SLC39A11: variants seen among roughly 807,000 people sequenced by gnomAD.
The protein encoded by SLC39A11 is solute carrier family 39 member 11, also known as zinc transporter ZIP11.
A neutral mutation model predicts 36.1 loss-of-function variants in SLC39A11; 33 were observed. That is an observed-to-expected ratio of 0.91 (90% CI 0.69 to 1.22). The LOEUF (loss-of-function observed/expected upper bound fraction) is 1.22, where lower values mean the gene tolerates loss of function less well. Among genes scored for constraint, SLC39A11 ranks in the 50% most tolerant of loss-of-function variants. The pLI, the probability that SLC39A11 is intolerant of heterozygous loss-of-function variation, is 0.00. For synonymous variants in SLC39A11, 166 were observed against 170.3 expected (o/e 0.97, Z 0.20); for missense variants, 432 against 430.3 (o/e 1.00, Z -0.03).
intron 3 of SLC39A11, among the ~76,000 whole-genome samples, chr17:73,052,452 A>G (rs2059537191): frequency 1.3e-5 from 2 of 152,192 alleles, no homozygotes; most frequent in African/African-American, 4.8e-5. Flanking sequence ...ATGATAAAAT[A>G]AAGAGCGAAA....
intron 3 of SLC39A11, among the ~76,000 whole-genome samples, chr17:73,047,320 G>A (rs947741940): frequency 3.6e-4 from 55 of 151,826 alleles, no homozygotes; most frequent in Non-Finnish European, 5.9e-4. Flanking sequence ...CACCGCGCCC[G>A]GCAAGAAGAA....
intron 4 of SLC39A11, among the ~76,000 whole-genome samples, chr17:72,983,269 C>A (rs1044128407): frequency 6.6e-6 from 1 of 152,128 alleles, no homozygotes; most frequent in African/African-American, 2.4e-5. Context: ...CCTGTCTCAG[C>A]CTCCTGAGGA....
chr17:72,758,967 G>T (rs939715126), intron 6 of SLC39A11, among the ~76,000 whole-genome samples: 7 of 152,162 alleles, frequency 4.6e-5, no homozygotes, highest in Admixed American at 2.6e-4. Context: ...AGCCGGGTGT[G>T]GTGGATGCCT....
chr17:73,084,518 A>G (rs1379231024), intron 3 of SLC39A11, among the ~76,000 whole-genome samples: 1 of 150,952 alleles, frequency 6.6e-6, no homozygotes, highest in African/African-American at 2.4e-5. Flanking sequence ...ATATTTAGTT[A>G]GAGCCAACTA....
At chr17:72,979,935 TC>T (rs773172781) in intron 4 of SLC39A11, among the ~76,000 whole-genome samples, 3 of 152,048 alleles carry the variant, frequency 2.0e-5, no homozygotes, top group East Asian at 3.9e-4. Flanking sequence ...TCCCATGACC[TC>T]CCCAAAATGG....
Position 73,035,613 on chromosome 17 carries a change from G to T in SLC39A11, c.148-3899C>A, listed in dbSNP as rs142822591. ...TTGAGTGGGACCAATGTAACCACAGGGTCCTTACGAAGGAGTGAGAAGGGT... is the reference window on the plus strand; with the variant it reads ...TTGAGTGGGACCAATGTAACCACAGTGTCCTTACGAAGGAGTGAGAAGGGT... On this transcript the variant is annotated intron_variant, in intron 3 of 9. Coordinates refer to ENST00000255559, the MANE Select transcript of SLC39A11 (RefSeq NM_139177.4). Among the ~76,000 whole-genome samples, 774 of 152,110 alleles carry T rather than the reference G, an allele frequency of 5.1e-3. 7 individuals are homozygous for T. Among genetic ancestry groups the T allele is most frequent in the African/African-American group, 0.018 (748 of 41,490 alleles).
chr17:72,673,721 A>G (rs192767976), intron 7 of SLC39A11, among the ~76,000 whole-genome samples: 75 of 152,160 alleles, frequency 4.9e-4, no homozygotes, highest in African/African-American at 1.6e-3. Flanking sequence ...TTATTTATTG[A>G]TTTGGGGCAA....
At chr17:72,767,098 C>CA (rs1232143747) in intron 6 of SLC39A11, among the ~76,000 whole-genome samples, 5 of 152,202 alleles carry the variant, frequency 3.3e-5, no homozygotes, top group African/African-American at 4.8e-5. Flanking sequence ...AGCTCCTGAC[C>CA]AAAATCGGCC....
At chr17:72,789,217 C>T (rs1364962257) in intron 6 of SLC39A11, among the ~76,000 whole-genome samples, 1 of 152,090 alleles carries the variant, frequency 6.6e-6, no homozygotes. Flanking sequence ...GTGTTTTTAG[C>T]AGAGGCGGGG....
chr17:72,808,053 A>G (rs2145344809), intron 6 of SLC39A11, among the ~76,000 whole-genome samples: 1 of 152,306 alleles, frequency 6.6e-6, no homozygotes, highest in Non-Finnish European at 1.5e-5. Context: ...TACAGGAAAA[A>G]AAAAAAATAC....
chr17:73,084,308 A>T (rs1240406656), intron 3 of SLC39A11, among the ~76,000 whole-genome samples: 1 of 151,976 alleles, frequency 6.6e-6, no homozygotes, highest in Non-Finnish European at 1.5e-5. Context: ...ACGTTGGCAC[A>T]TGCCTGTAGT....
chr17:72,905,878 T>G (rs952612972), intron 5 of SLC39A11, among the ~76,000 whole-genome samples: 1 of 151,862 alleles, frequency 6.6e-6, no homozygotes, highest in Non-Finnish European at 1.5e-5. Flanking sequence ...CTCAGCCTCC[T>G]GAGTAGCTGG....
At chr17:72,900,161 G>A (rs1598339497) in intron 5 of SLC39A11, among the ~76,000 whole-genome samples, 2 of 53,958 alleles carry the variant, frequency 3.7e-5, no homozygotes, top group African/African-American at 1.1e-4. Flanking sequence ...AGAAAAGAAA[G>A]AAAGAAAGAA....
chr17:73,015,942 C>CT (rs2058149802), intron 4 of SLC39A11, among the ~76,000 whole-genome samples: 1 of 152,114 alleles, frequency 6.6e-6, no homozygotes, highest in African/African-American at 2.4e-5. Flanking sequence ...TCATCTTAGA[C>CT]TATGACATCA....
chr17:72,666,664 C>T (rs1229626730), intron 7 of SLC39A11, among the ~76,000 whole-genome samples: 3 of 152,236 alleles, frequency 2.0e-5, no homozygotes, highest in Non-Finnish European at 4.4e-5. Flanking sequence ...CCAACACCAC[C>T]TGCTCCTCCT....
At chr17:72,864,560 T>C (rs1035179844) in intron 5 of SLC39A11, among the ~76,000 whole-genome samples, 2 of 152,106 alleles carry the variant, frequency 1.3e-5, no homozygotes, top group African/African-American at 4.8e-5. Context: ...CTGAACACCA[T>C]AGATACACAT....
intron 5 of SLC39A11, among the ~76,000 whole-genome samples, chr17:72,853,189 A>ATTT (rs774708211): frequency 8.2e-6 from 1 of 122,224 alleles, no homozygotes; most frequent in African/African-American, 3.0e-5. Flanking sequence ...TAACTTTTGT[A>ATTT]TTTTTTTTTT....
At chr17:73,067,995 G>C in intron 3 of SLC39A11, 1 of 1,595,038 alleles carries the variant, frequency 6.3e-7, no homozygotes, top group South Asian at 1.1e-5. Flanking sequence ...ATAAACAACT[G>C]TTCTGAGGCC....
At chr17:72,791,192 T>C (rs2076689647) in intron 6 of SLC39A11, among the ~76,000 whole-genome samples, 1 of 152,224 alleles carries the variant, frequency 6.6e-6, no homozygotes, top group East Asian at 1.9e-4. Context: ...CAGTGGCTCA[T>C]GCCTGGATTC....
Sources: gnomAD v4.1 joint callset for allele counts (sites outside exome capture counted in the v4.1 genomes callset) on GRCh38, gnomAD v4.1.1 for gene constraint, MANE v1.5 for transcripts, NCBI Gene and HGNC (gene_info 2026-07-23, HGNC 2026-07-21) for gene names.